MRPS14: variants seen among roughly 807,000 people sequenced by gnomAD.
MRPS14 encodes small ribosomal subunit protein uS14m.
A neutral mutation model predicts 16.4 loss-of-function variants in MRPS14; 14 were observed. The ratio of observed to expected loss-of-function variants is 0.85; its 90% CI spans 0.56 to 1.33. MRPS14 has a LOEUF of 1.33. Among genes scored for constraint, MRPS14 ranks in the 40% most tolerant of loss-of-function variants. The probability of loss-of-function intolerance (pLI) is 0.00; values close to 1 mark genes in which losing one functional copy is unlikely to be tolerated. For synonymous variants in MRPS14, 54 were observed against 61.9 expected (o/e 0.87, Z 0.60); for missense variants, 162 against 176.8 (o/e 0.92, Z 0.48).
intron 2 of MRPS14, among the ~76,000 whole-genome samples, chr1:175,017,527 T>C (rs1355010612): frequency 6.6e-6 from 1 of 152,158 alleles, no homozygotes; most frequent in African/African-American, 2.4e-5. Context: ...CTAAATGTAG[T>C]TTTTTAAAAA....
In MRPS14 at chr1:175,023,079, T is replaced by C. The variant is rs1574119481; in HGVS notation, c.45+285A>G. Among the ~76,000 whole-genome samples the C allele has an allele frequency of 2.0e-5, 3 of 152,320 alleles. No individual in the cohort carries two copies. The South Asian group carries it at 6.2e-4, about 32-fold the overall frequency. On this transcript the variant is annotated intron_variant, in intron 1 of 2. Transcript: ENST00000476371. ...TTCTCATCTCTTAACGTTACAAGTC[T>C]CTGAGAGCTCAATCCTCGGAACTCG... is the stretch of plus-strand genomic sequence containing the variant.
Position 175,013,488 on chromosome 1 carries a change from G to C in MRPS14, c.*1181C>G, listed in dbSNP as rs1311000952. ...TTCTTTCCTAAAACTTTAAAAATCT[G>C]TCCTCTCTCCTCTACTAATACCACA... On this transcript the variant is annotated 3_prime_UTR_variant, in exon 3 of 3. Coordinates refer to ENST00000476371, the MANE Select transcript of MRPS14 (RefSeq NM_022100.3). 2 of 152,098 alleles carry C rather than the reference G, an allele frequency of 1.3e-5. No homozygotes were observed. Among genetic ancestry groups the C allele is most frequent in the African/African-American group, 4.8e-5 (2 of 41,410 alleles). The allele number at this position is 152,098 out of a possible 1,614,324, so 9.4% of individuals were successfully genotyped here. A position where few individuals can be genotyped will look rare whatever the true frequency, so the allele number is the denominator to read the frequency against.
Position 175,023,363 on chromosome 1 carries a change from C to G in MRPS14, c.45+1G>C, listed in dbSNP as rs769253230. On this transcript the variant is annotated splice_donor_variant, in intron 1 of 2. Coordinates refer to ENST00000476371, the MANE Select transcript of MRPS14 (RefSeq NM_022100.3). LOFTEE classifies it high-confidence loss of function. ...GGTGTGGATAAAAGTAGAGGCCTGA[C>G]CTGCTTGAACGTCCGCAGCAGCGAG... 1 of 1,614,092 alleles carries G rather than the reference C, an allele frequency of 6.2e-7. No homozygotes were observed. The highest frequency in any genetic ancestry group is 8.5e-7 in the Non-Finnish European group (1 of 1,180,022).
At chr1:175,022,101 G>C (rs1672988942) in intron 1 of MRPS14, among the ~76,000 whole-genome samples, 1 of 151,000 alleles carries the variant, frequency 6.6e-6, no homozygotes, top group Non-Finnish European at 1.5e-5. Context: ...TATTTTGGTA[G>C]AACTATATTT....
At chr1:175,019,993 A>T (rs1672949422) in intron 1 of MRPS14, among the ~76,000 whole-genome samples, 1 of 152,226 alleles carries the variant, frequency 6.6e-6, no homozygotes, top group Non-Finnish European at 1.5e-5. Context: ...TCACATTACT[A>T]AACAAAAGTT....
chr1:175,022,871 A>G (rs1397861665), intron 1 of MRPS14, among the ~76,000 whole-genome samples: 1 of 147,724 alleles, frequency 6.8e-6, no homozygotes, highest in Admixed American at 6.6e-5. Flanking sequence ...TAAGGTCCCA[A>G]CAACCTTCAC....
intron 1 of MRPS14, among the ~76,000 whole-genome samples, chr1:175,019,542 C>T (rs549517144): frequency 3.7e-4 from 57 of 152,224 alleles, no homozygotes; most frequent in Middle Eastern, 6.8e-3. Context: ...GTGATCCATC[C>T]GTCTTGGCCT....
intron 1 of MRPS14, 54 bp downstream of exon 1, chr1:175,023,310 G>A (rs1304902915): frequency 1.2e-6 from 2 of 1,602,018 alleles, no homozygotes; most frequent in Non-Finnish European, 1.7e-6. Flanking sequence ...GGACCCGTGG[G>A]TTATGAGATT....
chr1:175,014,798 T>C lies in MRPS14; in HGVS notation c.258A>G (p.Arg86=), dbSNP rs1447378356. The C allele has an allele frequency of 6.2e-7, 1 of 1,613,964 alleles. No individual in the cohort carries two copies. The highest frequency in any genetic ancestry group is 1.3e-5 in the African/African-American group (1 of 74,902). ...ACGTCATAACACACCGATTTCTGAT[T>C]CTAACAGGACAGCTATCCCGGGGGA... ...AALPRDSCPV[R]IRNRCVMTSR... The change falls in exon 3 of 3, where the codon AGA becomes AGG. Residue 86 remains arginine, a synonymous_variant. Transcript: ENST00000476371.
intron 2 of MRPS14, among the ~76,000 whole-genome samples, chr1:175,017,959 A>T (rs1394238911): frequency 1.3e-5 from 2 of 152,144 alleles, no homozygotes. Context: ...CCCTGTCTCT[A>T]CTAAAAATAC....
intron 2 of MRPS14, 122 bp downstream of exon 2, chr1:175,018,296 T>C (rs1396799588): frequency 1.0e-6 from 1 of 960,888 alleles, no homozygotes; most frequent in African/African-American, 1.7e-5. Flanking sequence ...TTGTTTATAT[T>C]GATGTGGATC....
chr1:175,018,693 GT>G, intron 1 of MRPS14, 117 bp from the exon 2 acceptor site: 1 of 951,932 alleles, frequency 1.1e-6, no homozygotes, highest in South Asian at 2.1e-5. Context: ...TTTAAGAGTT[GT>G]TTTAGATCAG....
At position 175,014,652 on chromosome 1, in the gene MRPS14, T is replaced by G; in HGVS notation, c.*17A>C. On this transcript the variant is annotated 3_prime_UTR_variant, in exon 3 of 3. Coordinates refer to ENST00000476371, the MANE Select transcript of MRPS14 (RefSeq NM_022100.3). ...AAGCTTGGCTTCCCTGCAAGCTCAA[T>G]AGGTTCTGGAGCTCATTTACCATGT... 4 of 1,580,828 alleles carry G rather than the reference T, an allele frequency of 2.5e-6. No individual in the cohort carries two copies. The highest frequency in any genetic ancestry group is 3.4e-6 in the Non-Finnish European group (4 of 1,165,832).
chr1:175,019,997 A>T (rs1487086215), intron 1 of MRPS14, among the ~76,000 whole-genome samples: 1 of 152,248 alleles, frequency 6.6e-6, no homozygotes, highest in African/African-American at 2.4e-5. Flanking sequence ...ATTACTAAAC[A>T]AAAGTTCCTT....
Position 175,023,390 on chromosome 1 carries a change from C to A in MRPS14, c.19G>T (p.Gly7Cys), listed in dbSNP as rs148320833. The A allele has an allele frequency of 4.3e-6, 7 of 1,614,192 alleles. No individual in the cohort carries two copies. The highest frequency in any genetic ancestry group is 1.3e-5 in the African/African-American group (1 of 75,056). MAAFML[G>C]SLLRTFKQMV... ...TGCTTGAACGTCCGCAGCAGCGAGCCCAGCATGAAGGCCGCCATGTTGTCC... is the reference window on the plus strand; with the variant it reads ...TGCTTGAACGTCCGCAGCAGCGAGCACAGCATGAAGGCCGCCATGTTGTCC... The change falls in exon 1 of 3, where the codon GGC becomes TGC. Residue 7 changes from glycine (G) to cysteine (C), a missense_variant. Gly to Cys is a radical substitution (Grantham distance 159). Coordinates refer to ENST00000476371, the MANE Select transcript of MRPS14 (RefSeq NM_022100.3).
chr1:175,014,933 CTTTTCTTTTTT>C, intron 2 of MRPS14, 82 bp from the exon 3 acceptor site: 5 of 768,706 alleles, frequency 6.5e-6, no homozygotes, highest in Non-Finnish European at 7.3e-6. Context: ...AGGTAATTTT[CTTTTCTTTTTT>C]TTTTTTTTTT....
rs1672843386 is a variant in MRPS14 at position 175,014,516 on chromosome 1, C to T, written c.*153G>A. ...CTGACATGAAACACCCAAATGTCTTCATTTTAAAAGTAGTTTAGAGATAGC... is the reference window on the plus strand; with the variant it reads ...CTGACATGAAACACCCAAATGTCTTTATTTTAAAAGTAGTTTAGAGATAGC... On this transcript the variant is annotated 3_prime_UTR_variant, in exon 3 of 3. Transcript: ENST00000476371. The T allele has an allele frequency of 3.6e-5, 23 of 645,614 alleles. No individual in the cohort carries two copies. The South Asian group carries it at 6.1e-4, about 17-fold the overall frequency. 40.0% of individuals were successfully genotyped at this position (645,614 alleles called of 1,614,324 possible). A position where few individuals can be genotyped will look rare whatever the true frequency, so the allele number is the denominator to read the frequency against.
In MRPS14 at chr1:175,014,826, G is replaced by A; in HGVS notation, c.230C>T (p.Ala77Val). Residue 77 changes from alanine to valine, a missense_variant, in exon 3 of 3, where the codon GCC (alanine) becomes GTC (valine). Transcript: ENST00000476371. ...AACAGGACAGCTATCCCGGGGGAGG[G>A]CAGCAATTTCTTCATCAGCCACATC... The part of the protein sequence containing the change: ...LQDVADEEIA[A>V]LPRDSCPVRI... 6.2e-7 allele frequency: 1 copy of A among 1,613,886 alleles called. No individual in the cohort carries two copies. Among genetic ancestry groups the A allele is most frequent in the Non-Finnish European group, 8.5e-7 (1 of 1,179,948 alleles).
Position 175,018,405 on chromosome 1 carries a change from T to C in MRPS14, c.204+13A>G. On this transcript the variant is annotated intron_variant, in intron 2 of 2. Coordinates refer to ENST00000476371, the MANE Select transcript of MRPS14 (RefSeq NM_022100.3). ...ATCTTGTGGTACAAAGGGACTCATCTTAATTAGCTAACCTGAAGAATTTTT... is the reference window on the plus strand; with the variant it reads ...ATCTTGTGGTACAAAGGGACTCATCCTAATTAGCTAACCTGAAGAATTTTT... 6.3e-7 allele frequency: 1 copy of C among 1,584,404 alleles called. No individual in the cohort carries two copies. The highest frequency in any genetic ancestry group is 1.3e-5 in the African/African-American group (1 of 74,102).
Sources: gnomAD v4.1 joint callset for allele counts (sites outside exome capture counted in the v4.1 genomes callset) on GRCh38, gnomAD v4.1.1 for gene constraint, MANE v1.5 for transcripts, NCBI Gene and HGNC (gene_info 2026-07-23, HGNC 2026-07-21) for gene names.